The following ATAD2B variants were observed in gnomAD, a reference collection of about 807,000 sequenced individuals.
ATAD2B encodes ATPase family AAA domain-containing protein 2B.
Under a neutral mutation model 167.6 loss-of-function variants are expected in ATAD2B, and 40 were observed. That is an observed-to-expected ratio of 0.24 (90% CI 0.19 to 0.31). The LOEUF is 0.31. Ranked by LOEUF, ATAD2B falls within the 10% of genes least tolerant of loss-of-function variation. The pLI is 1.00. For missense variants in ATAD2B, 1,242 were observed against 1,757.2 expected, an observed-to-expected ratio of 0.71 and a Z score of 5.24; for synonymous variants, 579 against 596.5, an observed-to-expected ratio of 0.97 and a Z score of 0.43.
rs188918021 is a variant in ATAD2B, at chr2:23,869,261, T to C, written c.1076+402A>G. ...ACAAAGTAATTTTTTCCAATAAAAA[T>C]CTAAGGTTTCCTGAGATAATTCTAT... On this transcript the variant is annotated intron_variant, in intron 9 of 27. Transcript: ENST00000238789. Among the ~76,000 whole-genome samples, 250 of 152,306 alleles carry C rather than the reference T, an allele frequency of 1.6e-3. 1 individual carries two copies. Among genetic ancestry groups the C allele is most frequent in the African/African-American group, 5.7e-3 (237 of 41,570 alleles).
intron 1 of ATAD2B, among the ~76,000 whole-genome samples, chr2:23,920,805 A>G (rs35324570): frequency 0.45 from 68,469 of 151,848 alleles, 16,324 homozygotes; most frequent in East Asian, 0.78. Context: ...AAAATTCCCA[A>G]TTTTTTTTAC....
At chr2:23,869,501 G>T (rs777772605) in intron 9 of ATAD2B, 162 bp downstream of exon 9, 1 of 595,824 alleles carries the variant, frequency 1.7e-6, no homozygotes. Flanking sequence ...TTTGGGGAAA[G>T]GTTAGATTTT....
chr2:23,694,479 A>G, the ATAD2B span, among the ~76,000 whole-genome samples: 2 of 152,212 alleles, frequency 1.3e-5, no homozygotes, highest in East Asian at 3.9e-4. Context: ...CGGTCTCTCT[A>G]AAAGCACACT....
chr2:23,871,850 G>C (rs1696024000), intron 8 of ATAD2B, among the ~76,000 whole-genome samples: 1 of 151,986 alleles, frequency 6.6e-6, no homozygotes, highest in Admixed American at 6.6e-5. Flanking sequence ...ATCCATTTTT[G>C]TGAGGGAAGA....
intron 1 of ATAD2B, among the ~76,000 whole-genome samples, chr2:23,904,535 T>TC (rs894756069): frequency 4.3e-5 from 4 of 93,652 alleles, no homozygotes; most frequent in Admixed American, 1.6e-4. Flanking sequence ...GGATTTTCCT[T>TC]CCTTTTTTTT....
intron 21 of ATAD2B, among the ~76,000 whole-genome samples, chr2:23,784,231 T>C (rs1343273883): frequency 6.6e-6 from 1 of 152,116 alleles, no homozygotes; most frequent in Non-Finnish European, 1.5e-5. Flanking sequence ...TACCACTCTA[T>C]GCTTAATTTT....
At chr2:23,759,724 A>G (rs544793403) in intron 24 of ATAD2B, among the ~76,000 whole-genome samples, 5 of 152,328 alleles carry the variant, frequency 3.3e-5, no homozygotes, top group African/African-American at 1.2e-4. Flanking sequence ...TTCTATTTAT[A>G]TAATTTAAAG....
intron 13 of ATAD2B, among the ~76,000 whole-genome samples, chr2:23,847,277 A>G (rs1295486708): frequency 2.0e-5 from 3 of 150,408 alleles, no homozygotes; most frequent in Middle Eastern, 3.4e-3. Context: ...AGGCCGAGGC[A>G]GGCGGATCAC....
intron 13 of ATAD2B, among the ~76,000 whole-genome samples, chr2:23,837,341 C>T (rs1385733217): frequency 6.6e-6 from 1 of 152,196 alleles, no homozygotes; most frequent in East Asian, 1.9e-4. Flanking sequence ...GAAGCCTTCC[C>T]AGGCCCCCCA....
chr2:23,774,768 C>A (rs1181066852), intron 22 of ATAD2B, among the ~76,000 whole-genome samples: 4 of 152,050 alleles, frequency 2.6e-5, no homozygotes, highest in Non-Finnish European at 5.9e-5. Context: ...GACATGGTGG[C>A]GCATGCCTAT....
chr2:23,693,338 T>C, the ATAD2B span: 1 of 1,551,288 alleles, frequency 6.4e-7, no homozygotes, highest in Non-Finnish European at 8.7e-7. Flanking sequence ...TGCAGCGAGC[T>C]CTACCACATG....
At chr2:23,859,963 G>A (rs1694085785) in intron 12 of ATAD2B, among the ~76,000 whole-genome samples, 1 of 151,082 alleles carries the variant, frequency 6.6e-6, no homozygotes, top group Non-Finnish European at 1.5e-5. Flanking sequence ...AAAAAAAAAA[G>A]AAATTTAATT....
chr2:23,734,055 CA>C, the ATAD2B span, among the ~76,000 whole-genome samples: 3 of 152,122 alleles, frequency 2.0e-5, no homozygotes, highest in African/African-American at 4.8e-5. Flanking sequence ...AACTTATCCT[CA>C]GGGGGGAAAA....
At chr2:23,772,446 A>G (rs72780119) in intron 22 of ATAD2B, among the ~76,000 whole-genome samples, 1 of 152,284 alleles carries the variant, frequency 6.6e-6, no homozygotes, top group Non-Finnish European at 1.5e-5. Context: ...GCAATACCAC[A>G]GCTTTCCACC....
chr2:23,823,421 T>C lies in ATAD2B; in HGVS notation c.1968A>G (p.Ala656=). 3 of 1,613,988 alleles carry C rather than the reference T, an allele frequency of 1.9e-6. No individual in the cohort carries two copies. The highest frequency in any genetic ancestry group is 2.5e-6 in the Non-Finnish European group (3 of 1,179,890). ...GGGAAGCAGGCACGATATTCTGCATTGCATGGTAAAAATCTTGGGCACTAA... is the reference window on the plus strand; with the variant it reads ...GGGAAGCAGGCACGATATTCTGCATCGCATGGTAAAAATCTTGGGCACTAA... ...IVLSAQDFYH[A]MQNIVPASQR... The change falls in exon 16 of 28, where the codon GCA becomes GCG. Residue 656 remains alanine, a synonymous_variant. Transcript: ENST00000238789.
In ATAD2B at chr2:23,864,939, GA is replaced by G. The variant is rs760740133; in HGVS notation, c.1189-16del. On this transcript the variant is annotated splice_polypyrimidine_tract_variant and intron_variant, in intron 10 of 27. Coordinates refer to ENST00000238789, the MANE Select transcript of ATAD2B (RefSeq NM_017552.4). ...TCAAACCGTACCTTGGAAAGAAGGG[GA>G]AAAATTTGATATCAAACAATTTTAT... 18 of 1,437,392 alleles carry G rather than the reference GA, an allele frequency of 1.3e-5. No homozygotes were observed. In the South Asian group the frequency reaches 1.3e-4, roughly 10 times the overall value. 89.0% of individuals were successfully genotyped at this position (1,437,392 alleles called of 1,614,324 possible).
the ATAD2B span, among the ~76,000 whole-genome samples, chr2:23,700,554 C>G: frequency 2.0e-5 from 3 of 152,178 alleles, no homozygotes; most frequent in Non-Finnish European, 4.4e-5. The surrounding 1 kb of genome is among the most constrained non-coding windows in gnomAD (Gnocchi z 4.6). Context: ...GGAGTGACAT[C>G]GCAGAAACCA....
chr2:23,789,664 C>T (rs749033726), intron 19 of ATAD2B, among the ~76,000 whole-genome samples: 2 of 152,128 alleles, frequency 1.3e-5, no homozygotes, highest in Admixed American at 1.3e-4. Flanking sequence ...TTTAGCCACA[C>T]ATTTGTGGTA....
At chr2:23,854,284 TCAGTC>T (rs2149933981) in intron 13 of ATAD2B, among the ~76,000 whole-genome samples, 1 of 151,902 alleles carries the variant, frequency 6.6e-6, no homozygotes, top group African/African-American at 2.4e-5. Flanking sequence ...AAAATAAACT[TCAGTC>T]CATACCTTAA....
Sources: allele counts gnomAD v4.1 joint callset (sites outside exome capture counted in the v4.1 genomes callset), GRCh38; gene constraint gnomAD v4.1.1; non-coding constraint Gnocchi (gnomAD v3.1); transcripts MANE v1.5; gene names NCBI Gene and HGNC (gene_info 2026-07-23, HGNC 2026-07-21).